Variants in GRM7 observed in about 807,000 individuals in gnomAD.
GRM7 encodes the protein metabotropic glutamate receptor 7.
In GRM7, 35 loss-of-function variants were observed where a neutral mutation model predicts 84.5. The ratio of observed to expected loss-of-function variants is 0.41; its 90% CI spans 0.32 to 0.55. The LOEUF (loss-of-function observed/expected upper bound fraction) is 0.55. Among genes scored for constraint, GRM7 ranks in the 20% least tolerant of loss-of-function variants. The pLI, the probability that GRM7 is intolerant of heterozygous loss-of-function variation, is 0.19. For missense variants in GRM7, 1,003 were observed against 1,194.6 expected, an observed-to-expected ratio of 0.84 and a Z score of 2.36; for synonymous variants, 487 against 455.1, an observed-to-expected ratio of 1.07 and a Z score of -0.89.
chr3:7,436,257 T>A (rs185378068), intron 5 of GRM7, among the ~76,000 whole-genome samples: 103 of 152,270 alleles, frequency 6.8e-4, no homozygotes, highest in Non-Finnish European at 1.2e-3. Flanking sequence ...TTCTGGTAAC[T>A]TTTTGTTTAT....
At chr3:7,412,920 T>C (rs1448734332) in intron 4 of GRM7, among the ~76,000 whole-genome samples, 1 of 152,124 alleles carries the variant, frequency 6.6e-6, no homozygotes, top group Non-Finnish European at 1.5e-5. Flanking sequence ...TAATGCTATA[T>C]GTGTTCAGAT....
chr3:7,392,557 G>T (rs1695043600), intron 4 of GRM7, among the ~76,000 whole-genome samples: 1 of 152,198 alleles, frequency 6.6e-6, no homozygotes, highest in Non-Finnish European at 1.5e-5. Context: ...ATCCCTCTCA[G>T]GTGAGAAACA....
At chr3:7,245,438 C>T (rs73809027) in intron 2 of GRM7, among the ~76,000 whole-genome samples, 2,851 of 151,506 alleles carry the variant, frequency 0.019, 81 homozygotes, top group African/African-American at 0.065. Context: ...AAAGAGATAA[C>T]GACAATAAGC....
intron 8 of GRM7, among the ~76,000 whole-genome samples, chr3:7,644,031 C>CAT: frequency 1.6e-5 from 1 of 62,520 alleles, no homozygotes; most frequent in African/African-American, 6.6e-5. Context: ...CACACACACA[C>CAT]ACACCATATA....
chr3:7,550,322 TC>T (rs1455221501), intron 7 of GRM7, among the ~76,000 whole-genome samples: 1 of 130,170 alleles, frequency 7.7e-6, no homozygotes, highest in Non-Finnish European at 1.6e-5. Flanking sequence ...CTTCCTGTCT[TC>T]CTCCCTTTCA....
At chr3:7,130,548 AAAAAAAGAAAAG>A (rs370267122) in intron 1 of GRM7, among the ~76,000 whole-genome samples, 65,597 of 144,360 alleles carry the variant, frequency 0.45, 15,280 homozygotes, top group African/African-American at 0.59. Flanking sequence ...TGTCTCAAAA[AAAAAAAGAAAAG>A]AAAAAAAAAA....
At chr3:6,908,289 C>G (rs984398856) in intron 1 of GRM7, among the ~76,000 whole-genome samples, 3 of 152,148 alleles carry the variant, frequency 2.0e-5, no homozygotes, top group African/African-American at 7.2e-5. Flanking sequence ...GGTTCTTTCA[C>G]AGTTATCTTC....
chr3:7,590,655 T>C (rs1354960374), intron 8 of GRM7, among the ~76,000 whole-genome samples: 1 of 152,160 alleles, frequency 6.6e-6, no homozygotes, highest in African/African-American at 2.4e-5. Flanking sequence ...GGCCATTTCC[T>C]TCCCAGGACC....
intron 3 of GRM7, among the ~76,000 whole-genome samples, chr3:7,299,501 C>A (rs1259204567): frequency 6.6e-6 from 1 of 152,064 alleles, no homozygotes; most frequent in African/African-American, 2.4e-5. Context: ...AGTAAATAAA[C>A]CTGATTACAA....
chr3:6,930,147 C>G (rs771472824), intron 1 of GRM7, among the ~76,000 whole-genome samples: 34 of 152,168 alleles, frequency 2.2e-4, no homozygotes, highest in Non-Finnish European at 1.2e-4. Flanking sequence ...TCTTTATATT[C>G]TCTGAACTGC....
At chr3:7,230,710 G>A (rs539276179) in intron 2 of GRM7, among the ~76,000 whole-genome samples, 21 of 152,268 alleles carry the variant, frequency 1.4e-4, no homozygotes, top group African/African-American at 3.1e-4. Flanking sequence ...TGTGAGGAGC[G>A]TTTGTGAATT....
chr3:7,463,281 A>G (rs1038417054), intron 7 of GRM7, among the ~76,000 whole-genome samples: 11 of 152,262 alleles, frequency 7.2e-5, no homozygotes, highest in Non-Finnish European at 1.2e-4. Context: ...GTTCCCAAGT[A>G]GCATTCACCA....
intron 2 of GRM7, among the ~76,000 whole-genome samples, chr3:7,200,136 C>T (rs961502479): frequency 3.3e-5 from 5 of 152,104 alleles, no homozygotes; most frequent in African/African-American, 9.7e-5. Context: ...TTCTTTTTAA[C>T]GACATGCTCT....
At chr3:7,585,651 G>C (rs1164935099) in intron 8 of GRM7, among the ~76,000 whole-genome samples, 1 of 152,136 alleles carries the variant, frequency 6.6e-6, no homozygotes, top group Non-Finnish European at 1.5e-5. Flanking sequence ...CTCCCGTGGA[G>C]AGCTCCCTGG....
chr3:7,294,938 T>C (rs374294684), intron 2 of GRM7, among the ~76,000 whole-genome samples: 1 of 152,226 alleles, frequency 6.6e-6, no homozygotes, highest in Non-Finnish European at 1.5e-5. Context: ...AACATATACT[T>C]TTAACCAAGT....
chr3:7,604,178 A>G (rs1020007435), intron 8 of GRM7, among the ~76,000 whole-genome samples: 23 of 151,984 alleles, frequency 1.5e-4, no homozygotes, highest in African/African-American at 5.6e-4. Flanking sequence ...GATACTAGTA[A>G]TTAGTATTAT....
rs1395642684 is a variant in GRM7 at position 7,359,405 on chromosome 3, G to C, written c.1033+52753G>C. ...GCTGGAGTGCAGTGGCACAATTTCG[G>C]CTCACTGCAACCTCCGTCTTCTGGG... is the stretch of plus-strand genomic sequence containing the variant. On this transcript the variant is annotated intron_variant, in intron 4 of 9. Coordinates refer to ENST00000357716, the MANE Select transcript of GRM7 (RefSeq NM_000844.4). Among the ~76,000 whole-genome samples the C allele has an allele frequency of 7.1e-5, 10 of 140,240 alleles. 1 individual carries two copies. In the Admixed American group the frequency reaches 7.2e-4, roughly 10 times the overall value. 92.0% of individuals were successfully genotyped at this position (140,240 alleles called of 152,430 possible).
chr3:7,046,186 G>A (rs761201109), intron 1 of GRM7, among the ~76,000 whole-genome samples: 1 of 152,054 alleles, frequency 6.6e-6, no homozygotes, highest in African/African-American at 2.4e-5. Context: ...TGTTCATTCA[G>A]GTTCTGTGTC....
At chr3:7,563,596 G>A (rs535630629) in intron 7 of GRM7, among the ~76,000 whole-genome samples, 27 of 152,078 alleles carry the variant, frequency 1.8e-4, no homozygotes, top group Non-Finnish European at 2.9e-4. Flanking sequence ...AATGACAGCC[G>A]AAAGGTTAAG....
Sources: allele counts gnomAD v4.1 joint callset (sites outside exome capture counted in the v4.1 genomes callset), GRCh38; gene constraint gnomAD v4.1.1; transcripts MANE v1.5; gene names NCBI Gene and HGNC (gene_info 2026-07-23, HGNC 2026-07-21).